Variants in TTC19 observed in about 807,000 individuals in gnomAD.
TTC19 encodes tetratricopeptide repeat domain 19, also known as tetratricopeptide repeat protein 19, mitochondrial.
In TTC19, 38 loss-of-function variants were observed where a neutral mutation model predicts 49.5. That is an observed-to-expected ratio of 0.77 (90% CI 0.59 to 1.01). TTC19 has a LOEUF of 1.01. Among genes scored for constraint, TTC19 ranks in the 50% least tolerant of loss-of-function variants. The pLI, the probability that TTC19 is intolerant of heterozygous loss-of-function variation, is 0.00. For synonymous variants in TTC19, 204 were observed against 185.2 expected (o/e 1.10, Z -0.83); for missense variants, 475 against 477.7 (o/e 0.99, Z 0.05).
chr17:16,032,374 T>C (rs1202897967), downstream of TTC19: 5 of 1,613,998 alleles, frequency 3.1e-6, no homozygotes, highest in Non-Finnish European at 4.2e-6. Flanking sequence ...TCCTGTTCTG[T>C]TGGTGAGGAG....
intron 2 of TTC19, among the ~76,000 whole-genome samples, chr17:16,041,545 C>G (rs2057635370): frequency 1.3e-5 from 2 of 151,210 alleles, no homozygotes; most frequent in South Asian, 4.2e-4. Context: ...TCCCGAGCAG[C>G]TGGGATTATA....
intron 7 of TTC19, 99 bp from the exon 8 acceptor site, chr17:16,024,918 T>C: frequency 5.6e-6 from 6 of 1,077,992 alleles, no homozygotes; most frequent in Non-Finnish European, 8.7e-6. Context: ...TCACCTACAT[T>C]GTTCCCTAAG....
Position 16,000,170 on chromosome 17 carries a change from AG to A in TTC19, c.238del (p.Ala80ProfsTer21). On this transcript the variant is annotated frameshift_variant, in exon 2 of 10. Transcript: ENST00000261647. LOFTEE classifies it high-confidence loss of function. ...AAAEEEEQQGADGAAAEDGAD... is the reference protein window; with the variant it reads ...AAAEEEEQQGXDGAAAEDGAD... Reference sequence around the variant, plus strand: ...CGGCAGAGGAGGAGGAGCAGCAGGGAGCCGACGGGGCCGCTGCCGAGGACGG... The same window carrying A: ...CGGCAGAGGAGGAGGAGCAGCAGGGACCGACGGGGCCGCTGCCGAGGACGG... 5.0e-6 allele frequency: 8 copies of A among 1,591,248 alleles called. No homozygotes were observed. The highest frequency in any genetic ancestry group is 5.9e-6 in the Non-Finnish European group (7 of 1,177,468).
At chr17:16,027,319 C>T in intron 9 of TTC19, 55 bp from the exon 10 acceptor site, 1 of 1,601,180 alleles carries the variant, frequency 6.2e-7, no homozygotes. Context: ...TCTTCAGAAT[C>T]ACCTTGAAAA....
chr17:16,006,692 C>T (rs139443235), intron 7 of TTC19, 124 bp downstream of exon 7: 1 of 692,376 alleles, frequency 1.4e-6, no homozygotes, highest in African/African-American at 1.8e-5. Flanking sequence ...AAATAAGTGT[C>T]TGTCTTTAAG....
chr17:16,027,160 G>T, intron 9 of TTC19: 1 of 591,542 alleles, frequency 1.7e-6, no homozygotes, highest in South Asian at 2.0e-5. Context: ...GCTCATCAAA[G>T]TCCTCAGGAT....
intron 2 of TTC19, chr17:16,035,002 A>G: frequency 6.6e-7 from 1 of 1,512,634 alleles, no homozygotes; most frequent in South Asian, 1.2e-5. Context: ...AATTACCAAA[A>G]TGCTAATGAT....
chr17:16,027,312 T>C, intron 9 of TTC19, 62 bp from the exon 10 acceptor site: 1 of 1,596,870 alleles, frequency 6.3e-7, no homozygotes, highest in Non-Finnish European at 8.6e-7. Context: ...TGCTCTCTCT[T>C]CAGAATCACC....
At chr17:16,000,585 C>T (rs1176448771) in intron 2 of TTC19, 5 of 331,392 alleles carry the variant, frequency 1.5e-5, no homozygotes, top group Non-Finnish European at 2.4e-5. Flanking sequence ...ACGTATATAG[C>T]GGCCTGAAAA....
At chr17:16,023,787 A>G (rs904197436) in intron 7 of TTC19, 3 of 152,352 alleles carry the variant, frequency 2.0e-5, no homozygotes, top group Middle Eastern at 3.4e-3. Context: ...TATAGAAGCA[A>G]GCTGCACTTT....
rs1460474585 is a variant in TTC19 at position 16,028,707 on chromosome 17, T to C, written c.*1185T>C. 1.1e-5 allele frequency: 5 copies of C among 452,466 alleles called. No homozygotes were observed. Among genetic ancestry groups the C allele is most frequent in the Admixed American group, 4.7e-5 (2 of 42,304 alleles). The allele number at this position is 452,466 out of a possible 1,614,324, so 28.0% of individuals were successfully genotyped here. Reference sequence around the variant, plus strand: ...TATGCCTGTGGGGGTGGGATGTGAGTGGGACTGATAAACTGATACTTTTGG... The same window carrying C: ...TATGCCTGTGGGGGTGGGATGTGAGCGGGACTGATAAACTGATACTTTTGG... On this transcript the variant is annotated 3_prime_UTR_variant, in exon 10 of 10. Coordinates refer to ENST00000261647, the MANE Select transcript of TTC19 (RefSeq NM_017775.4).
chr17:16,027,573 A>C lies in TTC19; in HGVS notation c.*51A>C, dbSNP rs1460377345. On this transcript the variant is annotated 3_prime_UTR_variant, in exon 10 of 10. Transcript: ENST00000261647. ...TGTCTAGTAATGTGGAAGAATAGCT[A>C]TCATTCCTGTCTCTGTGGCACCCGA... is the stretch of plus-strand genomic sequence containing the variant. 1 of 1,598,826 alleles carries C rather than the reference A, an allele frequency of 6.3e-7. No individual in the cohort carries two copies. Among genetic ancestry groups the C allele is most frequent in the Non-Finnish European group, 8.6e-7 (1 of 1,167,524 alleles).
At position 16,027,747 on chromosome 17, in the gene TTC19, G is replaced by A; in HGVS notation, c.*225G>A. The A allele has an allele frequency of 1.6e-6, 1 of 608,050 alleles. No individual in the cohort carries two copies. Among genetic ancestry groups the A allele is most frequent in the African/African-American group, 1.8e-5 (1 of 55,270 alleles). 37.7% of individuals were successfully genotyped at this position (608,050 alleles called of 1,614,324 possible). A position where few individuals can be genotyped will look rare whatever the true frequency, so the allele number is the denominator to read the frequency against. ...TTATGACCTTTCAGGATGTCGTCAA[G>A]TGATGCTTTCAGTTGTAACACGTGA... On this transcript the variant is annotated 3_prime_UTR_variant, in exon 10 of 10. Coordinates refer to ENST00000261647, the MANE Select transcript of TTC19 (RefSeq NM_017775.4).
At position 16,028,001 on chromosome 17, in the gene TTC19, T is replaced by G. The variant is rs1294656357; in HGVS notation, c.*479T>G. On this transcript the variant is annotated 3_prime_UTR_variant, in exon 10 of 10. Transcript: ENST00000261647. ...ATGGTGAATTGTTGTTCTTATAGTC[T>G]GTTTCATGAAGCACAAGTGGAATTT... The G allele has an allele frequency of 2.2e-6, 1 of 454,230 alleles. No homozygotes were observed. Among genetic ancestry groups the G allele is most frequent in the Non-Finnish European group, 4.4e-6 (1 of 226,868 alleles). The allele number at this position is 454,230 out of a possible 1,614,324, so 28.1% of individuals were successfully genotyped here. A position where few individuals can be genotyped will look rare whatever the true frequency, so the allele number is the denominator to read the frequency against.
chr17:16,040,142 T>G (rs1038626396), intron 2 of TTC19: 8 of 529,920 alleles, frequency 1.5e-5, no homozygotes, highest in Admixed American at 2.2e-5. Context: ...GTTTCCCAAG[T>G]GAATCAGTCA....
downstream of TTC19, chr17:16,032,083 T>C: frequency 3.8e-6 from 2 of 520,688 alleles, no homozygotes; most frequent in Non-Finnish European, 6.7e-6. Context: ...GTCCACTGAA[T>C]TGCCTGTATC....
At position 15,999,879 on chromosome 17, in the gene TTC19, C is replaced by T. The variant is rs1331203131; in HGVS notation, c.31C>T (p.Arg11Ter). The change falls in exon 1 of 10, where the codon CGA becomes TGA. Residue 11 changes from arginine (R) to a stop codon, truncating the protein, a stop_gained. Coordinates refer to ENST00000261647, the MANE Select transcript of TTC19 (RefSeq NM_017775.4). LOFTEE classifies it high-confidence loss of function. ...CCGGCTCCTGAGCTGGAGCCTGGGCCGAGGCTTCCTGCGGGCCGCGGGGCG... is the reference window on the plus strand; with the variant it reads ...CCGGCTCCTGAGCTGGAGCCTGGGCTGAGGCTTCCTGCGGGCCGCGGGGCG... Reference protein sequence around the residue: MFRLLSWSLGRGFLRAAGRRC... With the variant: MFRLLSWSLG 11 of 1,431,332 alleles carry T rather than the reference C, an allele frequency of 7.7e-6. No homozygotes were observed. The highest frequency in any genetic ancestry group is 1.0e-5 in the Non-Finnish European group (11 of 1,101,218). The allele number at this position is 1,431,332 out of a possible 1,614,324, so 88.7% of individuals were successfully genotyped here.
intron 2 of TTC19, chr17:16,039,645 C>T (rs2057164347): frequency 6.2e-7 from 1 of 1,613,510 alleles, no homozygotes. Context: ...GCCTCTAGAG[C>T]TAACTGAGCC....
intron 2 of TTC19, chr17:16,040,653 T>C: frequency 1.4e-6 from 1 of 729,724 alleles, no homozygotes; most frequent in Non-Finnish European, 2.3e-6. Context: ...GAAGTATTTT[T>C]TTTTTTTGAG....
Sources: gnomAD v4.1 joint callset for allele counts (sites outside exome capture counted in the v4.1 genomes callset) on GRCh38, gnomAD v4.1.1 for gene constraint, MANE v1.5 for transcripts, NCBI Gene and HGNC (gene_info 2026-07-23, HGNC 2026-07-21) for gene names.